Variants in LIMCH1 observed in about 807,000 individuals in gnomAD.
LIMCH1 encodes LIM and calponin homology domains 1.
In LIMCH1, 113 loss-of-function variants were observed where a neutral mutation model predicts 176.5. The observed-to-expected ratio is 0.64, with a 90% CI of 0.55 to 0.75. The LOEUF is 0.75. Ranked by LOEUF, LIMCH1 falls within the 30% of genes least tolerant of loss-of-function variation. LIMCH1 has a pLI of 0.00. For missense variants in LIMCH1, 1,674 were observed against 1,814.9 expected (o/e 0.92, Z 1.41); for synonymous variants, 619 against 645.9 (o/e 0.96, Z 0.63).
chr4:41,606,971 G>GT (rs1188362443), intron 4 of LIMCH1, among the ~76,000 whole-genome samples: 2 of 152,124 alleles, frequency 1.3e-5, no homozygotes, highest in Admixed American at 1.3e-4. Flanking sequence ...GCTAATTTTT[G>GT]TATTTTTAGT....
intron 1 of LIMCH1, among the ~76,000 whole-genome samples, chr4:41,435,891 T>C (rs1415850718): frequency 1.3e-5 from 2 of 152,218 alleles, no homozygotes; most frequent in South Asian, 2.1e-4. Flanking sequence ...TAGCAACTTA[T>C]TGACATGATG....
chr4:41,631,527 G>A (rs945783921), intron 10 of LIMCH1, 50 bp downstream of exon 10: 15 of 1,406,484 alleles, frequency 1.1e-5, no homozygotes, highest in Admixed American at 5.2e-5. Flanking sequence ...AGTCACTGCT[G>A]CTTTTGTAGA....
chr4:41,482,798 C>A (rs192685572), intron 1 of LIMCH1, among the ~76,000 whole-genome samples: 7 of 152,230 alleles, frequency 4.6e-5, no homozygotes, highest in African/African-American at 1.7e-4. Flanking sequence ...TTTATTTATT[C>A]TTCATGCAAA....
intron 3 of LIMCH1, among the ~76,000 whole-genome samples, chr4:41,529,830 A>G (rs1415303206): frequency 6.6e-6 from 1 of 152,094 alleles, no homozygotes; most frequent in Non-Finnish European, 1.5e-5. Flanking sequence ...TTCATGTATC[A>G]CTTCTTAGCC....
In LIMCH1 at chr4:41,444,600, A is replaced by G. The variant is rs369567715; in HGVS notation, c.97-49936A>G. On this transcript the variant is annotated intron_variant, in intron 1 of 26. Coordinates refer to the LIMCH1 transcript ENST00000313860. ...CTCATTAGGGTGGTCAACATATCAC[A>G]GTGGTCTTTCCCTTCCCAAATAACT... 3.2e-4 allele frequency among the ~76,000 whole-genome samples: 48 copies of G among 152,268 alleles called. No individual in the cohort carries two copies. In the South Asian group the frequency reaches 1.0e-2, roughly 32 times the overall value.
At chr4:41,583,027 A>T (rs1416313766) in intron 1 of LIMCH1, among the ~76,000 whole-genome samples, 5 of 152,228 alleles carry the variant, frequency 3.3e-5, no homozygotes, top group Non-Finnish European at 7.3e-5. Context: ...ATTGCTGTGC[A>T]AGCATCACCA....
chr4:41,564,809 A>C (rs57344409), intron 1 of LIMCH1, among the ~76,000 whole-genome samples: 10,745 of 152,056 alleles, frequency 0.071, 1,217 homozygotes, highest in African/African-American at 0.24. Context: ...ATCGTGGAGG[A>C]GGTTTTCCCT....
chr4:41,453,051 T>C (rs1226213197), intron 1 of LIMCH1, among the ~76,000 whole-genome samples: 1 of 152,180 alleles, frequency 6.6e-6, no homozygotes, highest in East Asian at 1.9e-4. Context: ...GTGCTGTTGC[T>C]GACACAAAGG....
chr4:41,432,521 A>T (rs1472565920), intron 1 of LIMCH1, among the ~76,000 whole-genome samples: 2 of 152,170 alleles, frequency 1.3e-5, no homozygotes, highest in African/African-American at 4.8e-5. Context: ...TGTCTGAATT[A>T]TTCTCTCATT....
intron 21 of LIMCH1, among the ~76,000 whole-genome samples, chr4:41,669,114 GC>G (rs1412945666): frequency 2.0e-5 from 3 of 152,160 alleles, no homozygotes; most frequent in Non-Finnish European, 4.4e-5. Context: ...GAGACAAAAT[GC>G]CTGGGTTCAA....
At chr4:41,619,625 G>C in intron 6 of LIMCH1, 185 bp downstream of exon 6, 1 of 713,044 alleles carries the variant, frequency 1.4e-6, no homozygotes, top group South Asian at 1.9e-5. Flanking sequence ...TCGTGAGTGC[G>C]CCTAGAACAG....
At chr4:41,647,220 C>A (rs576089876) in intron 17 of LIMCH1, among the ~76,000 whole-genome samples, 21 of 152,048 alleles carry the variant, frequency 1.4e-4, no homozygotes, top group Non-Finnish European at 2.8e-4. Context: ...TTAGTAATAC[C>A]CTAGTATTTC....
At chr4:41,557,205 C>CAATA (rs2081385603) in intron 1 of LIMCH1, among the ~76,000 whole-genome samples, 1 of 152,154 alleles carries the variant, frequency 6.6e-6, no homozygotes, top group Non-Finnish European at 1.5e-5. Context: ...TCCATAGCAT[C>CAATA]AATACCAGGA....
intron 4 of LIMCH1, chr4:41,613,058 A>G: frequency 6.4e-7 from 1 of 1,552,240 alleles, no homozygotes; most frequent in Non-Finnish European, 8.7e-7. Context: ...GCTCATTCCC[A>G]GGACAGACAT....
intron 18 of LIMCH1, among the ~76,000 whole-genome samples, chr4:41,657,246 G>A (rs1409476184): frequency 1.3e-5 from 2 of 152,164 alleles, no homozygotes; most frequent in Non-Finnish European, 2.9e-5. Context: ...AGAAGGGAAG[G>A]GCTCTCCTCT....
intron 2 of LIMCH1, among the ~76,000 whole-genome samples, chr4:41,514,083 G>T (rs1341811095): frequency 6.9e-6 from 1 of 145,168 alleles, no homozygotes; most frequent in Non-Finnish European, 1.5e-5. Flanking sequence ...ATCGTTAGCA[G>T]GTCTAAAGTC....
At chr4:41,619,108 A>T (rs2092366481) in intron 5 of LIMCH1, 80 bp from the exon 6 acceptor site, 1 of 1,501,850 alleles carries the variant, frequency 6.7e-7, no homozygotes, top group Admixed American at 1.7e-5. Flanking sequence ...AGATTGAACC[A>T]CATCCCTAAT....
At chr4:41,635,621 A>G (rs1358542804) in intron 13 of LIMCH1, among the ~76,000 whole-genome samples, 2 of 152,160 alleles carry the variant, frequency 1.3e-5, no homozygotes, top group African/African-American at 4.8e-5. Context: ...CAGGTGAACT[A>G]TGTGACATAT....
intron 3 of LIMCH1, among the ~76,000 whole-genome samples, chr4:41,604,987 T>C (rs549116817): frequency 6.6e-6 from 1 of 152,198 alleles, no homozygotes; most frequent in South Asian, 2.1e-4. Flanking sequence ...CCAGACTGGC[T>C]GAAGCGATAA....
Sources: allele counts gnomAD v4.1 joint callset (sites outside exome capture counted in the v4.1 genomes callset), GRCh38; gene constraint gnomAD v4.1.1; transcripts MANE v1.5; gene names NCBI Gene and HGNC (gene_info 2026-07-23, HGNC 2026-07-21).